APP: variants seen among roughly 807,000 people sequenced by gnomAD.
The protein encoded by APP is amyloid-beta precursor protein.
A neutral mutation model predicts 101.4 loss-of-function variants in APP; 31 were observed. The ratio of observed to expected loss-of-function variants is 0.31; its 90% CI spans 0.23 to 0.41. The LOEUF is 0.41. APP is among the 10% of genes least tolerant of loss of function. The pLI, the probability that APP is intolerant of heterozygous loss-of-function variation, is 1.00. For synonymous variants in APP, 366 were observed against 364.4 expected, an observed-to-expected ratio of 1.00 and a Z score of -0.05; for missense variants, 839 against 1,003.7, an observed-to-expected ratio of 0.84 and a Z score of 2.22.
intron 9 of APP, 25 bp from the exon 10 acceptor site, chr21:25,976,053 T>C: frequency 6.4e-7 from 1 of 1,573,704 alleles, no homozygotes; most frequent in Non-Finnish European, 8.7e-7. Flanking sequence ...AACATTTGAA[T>C]TTAAAATCAT....
At chr21:25,970,189 G>C (rs2041977846) in intron 11 of APP, among the ~76,000 whole-genome samples, 1 of 151,848 alleles carries the variant, frequency 6.6e-6, no homozygotes. Context: ...AAGCAATGCG[G>C]AGGCCCACAA....
intron 5 of APP, among the ~76,000 whole-genome samples, chr21:26,026,493 T>C (rs766098771): frequency 6.6e-6 from 1 of 152,214 alleles, no homozygotes; most frequent in Non-Finnish European, 1.5e-5. Flanking sequence ...AAGCTGACCT[T>C]GATATAATTC....
chr21:26,104,987 T>C (rs1272096687), intron 2 of APP, among the ~76,000 whole-genome samples: 2 of 144,458 alleles, frequency 1.4e-5, no homozygotes, highest in South Asian at 2.2e-4. Flanking sequence ...AAAAAATTCA[T>C]CCACCACTAT....
intron 1 of APP, among the ~76,000 whole-genome samples, chr21:26,166,961 T>C (rs2063631811): frequency 6.6e-6 from 1 of 152,118 alleles, no homozygotes; most frequent in Middle Eastern, 3.2e-3. Context: ...TGTCTGTCTG[T>C]CTGTCTGGTA....
At chr21:25,949,249 G>A (rs1242359143) in intron 13 of APP, among the ~76,000 whole-genome samples, 2 of 152,152 alleles carry the variant, frequency 1.3e-5, no homozygotes, top group African/African-American at 2.4e-5. Context: ...CATGGGAATA[G>A]CTTCAGACTG....
chr21:25,984,585 T>C (rs931592629), intron 8 of APP, among the ~76,000 whole-genome samples: 1 of 152,216 alleles, frequency 6.6e-6, no homozygotes, highest in Non-Finnish European at 1.5e-5. Flanking sequence ...TTAAAATGAA[T>C]AAATGCTAAA....
intron 13 of APP, among the ~76,000 whole-genome samples, chr21:25,929,545 A>T (rs2040052329): frequency 6.6e-6 from 1 of 152,224 alleles, no homozygotes; most frequent in Admixed American, 6.5e-5. Context: ...CTGAGGACAC[A>T]GAGGAATCAT....
At position 26,038,173 on chromosome 21, in the gene APP, A is replaced by T. The variant is rs554681803; in HGVS notation, c.662+12827T>A. Reference sequence around the variant, plus strand: ...CCTTTTTGCTTCCCTAAAATAAAAAAACTCCTACATATTTAAATTCATAAA... The same window carrying T: ...CCTTTTTGCTTCCCTAAAATAAAAATACTCCTACATATTTAAATTCATAAA... On this transcript the variant is annotated intron_variant, in intron 5 of 17. Coordinates refer to ENST00000346798, the MANE Select transcript of APP (RefSeq NM_000484.4). Among the ~76,000 whole-genome samples, 5 of 152,242 alleles carry T rather than the reference A, an allele frequency of 3.3e-5. No homozygotes were observed. In the South Asian group the frequency reaches 1.0e-3, roughly 32 times the overall value.
At chr21:25,887,808 G>T (rs2037435496) in intron 17 of APP, among the ~76,000 whole-genome samples, 1 of 152,200 alleles carries the variant, frequency 6.6e-6, no homozygotes, top group Admixed American at 6.5e-5. Context: ...TAGCCCAGGT[G>T]TGTAGCAGGC....
chr21:26,015,756 TCA>T (rs1482135420), intron 6 of APP, among the ~76,000 whole-genome samples: 11 of 151,422 alleles, frequency 7.3e-5, no homozygotes, highest in African/African-American at 2.7e-4. Flanking sequence ...AGAAAGAACT[TCA>T]CAGTCACCGT....
chr21:26,129,520 C>A (rs2062750440), intron 1 of APP, among the ~76,000 whole-genome samples: 1 of 151,438 alleles, frequency 6.6e-6, no homozygotes, highest in Admixed American at 6.6e-5. Context: ...TACAGGTGAA[C>A]TAAATCATGG....
chr21:26,051,131 G>C lies in APP; in HGVS notation c.531C>G (p.Asp177Glu), dbSNP rs1431982540. The stretch of plus-strand genomic sequence containing the variant: ...ACACAAACTCTACCCCTCGGAACTT[G>C]TCAATTCCGCAGGGCAGCAACATGC... The part of the protein sequence containing the change: ...DYGMLLPCGI[D>E]KFRGVEFVCC... The change falls in exon 5 of 18, where the codon GAC (aspartate) becomes GAG (glutamate). Residue 177 changes from aspartate (D) to glutamate (E), a missense_variant. Physicochemically the swap from Asp to Glu is conservative, Grantham distance 45. Transcript: ENST00000346798. 1.2e-6 allele frequency: 2 copies of C among 1,614,098 alleles called. No individual in the cohort carries two copies. The highest frequency in any genetic ancestry group is 1.7e-6 in the Non-Finnish European group (2 of 1,180,014).
intron 17 of APP, among the ~76,000 whole-genome samples, chr21:25,883,938 A>G (rs2037158328): frequency 6.6e-6 from 1 of 151,946 alleles, no homozygotes; most frequent in Non-Finnish European, 1.5e-5. Context: ...CTTGTTGCCC[A>G]GGCAATCTCG....
At chr21:26,153,074 A>AT (rs1319411820) in intron 1 of APP, among the ~76,000 whole-genome samples, 1 of 152,232 alleles carries the variant, frequency 6.6e-6, no homozygotes, top group African/African-American at 2.4e-5. Context: ...GTTCTCTCTT[A>AT]TAAGTGGGAA....
In APP at chr21:26,024,679, C is replaced by T. The variant is rs114464514; in HGVS notation, c.663-2637G>A. ...TCTCTGATTACCTCAGGATTTAAAG[C>T]ATGTGTTACACAAGTTGTATAAAGA... is the stretch of plus-strand genomic sequence containing the variant. On this transcript the variant is annotated intron_variant, in intron 5 of 17. Transcript: ENST00000346798. Among the ~76,000 whole-genome samples the T allele has an allele frequency of 3.7e-3, 564 of 152,272 alleles. 2 individuals are homozygous for T. Among genetic ancestry groups the T allele is most frequent in the African/African-American group, 0.013 (543 of 41,536 alleles).
chr21:25,899,107 T>A (rs1401947648), intron 15 of APP, among the ~76,000 whole-genome samples: 1 of 152,218 alleles, frequency 6.6e-6, no homozygotes, highest in Non-Finnish European at 1.5e-5. Context: ...ACAATCAATG[T>A]CACTCTATAC....
intron 11 of APP, among the ~76,000 whole-genome samples, chr21:25,964,744 G>T (rs2041724299): frequency 2.6e-5 from 4 of 151,914 alleles, no homozygotes; most frequent in Non-Finnish European, 5.9e-5. Context: ...GGGATTACAG[G>T]CATGCGCCAC....
At chr21:26,161,173 A>G (rs1285513394) in intron 1 of APP, among the ~76,000 whole-genome samples, 4 of 152,206 alleles carry the variant, frequency 2.6e-5, no homozygotes, top group African/African-American at 4.8e-5. Context: ...TGTATAGAAA[A>G]GTGTGTGATC....
At position 26,051,043 on chromosome 21, in the gene APP, C is replaced by A. The variant is rs1370402057; in HGVS notation, c.619G>T (p.Asp207Tyr). Residue 207 changes from aspartate to tyrosine, a missense_variant, in exon 5 of 18, where the codon GAT becomes TAT. By Grantham distance (160) the Asp-to-Tyr change is radical. Transcript: ENST00000346798. Reference protein sequence around the residue: ...DSADAEEDDSDVWWGGADTDY... With the variant: ...DSADAEEDDSYVWWGGADTDY... ...GTGTCTGCTCCGCCCCACCAGACAT[C>A]CGAGTCATCCTCCTCCGCATCAGCA... 1 of 1,614,186 alleles carries A rather than the reference C, an allele frequency of 6.2e-7. No individual in the cohort carries two copies. Among genetic ancestry groups the A allele is most frequent in the Non-Finnish European group, 8.5e-7 (1 of 1,180,038 alleles).
Sources: allele counts gnomAD v4.1 joint callset (sites outside exome capture counted in the v4.1 genomes callset), GRCh38; gene constraint gnomAD v4.1.1; transcripts MANE v1.5; gene names NCBI Gene and HGNC (gene_info 2026-07-23, HGNC 2026-07-21).